DPP10: variants seen among roughly 807,000 people sequenced by gnomAD.
The protein encoded by DPP10 is dipeptidyl peptidase like 10, also known as inactive dipeptidyl peptidase 10.
Under a neutral mutation model 120.9 loss-of-function variants are expected in DPP10, and 33 were observed. The observed-to-expected ratio is 0.27, with a 90% CI of 0.21 to 0.37. The LOEUF is 0.37. Among genes scored for constraint, DPP10 ranks in the 10% least tolerant of loss-of-function variants. The pLI, the probability that DPP10 is intolerant of heterozygous loss-of-function variation, is 1.00. For missense variants in DPP10, 816 were observed against 942.8 expected (o/e 0.87, Z 1.76); for synonymous variants, 337 against 326.1 (o/e 1.03, Z -0.36).
intron 5 of DPP10, among the ~76,000 whole-genome samples, chr2:115,663,797 G>A (rs2089216483): frequency 6.6e-6 from 1 of 152,020 alleles, no homozygotes; most frequent in Non-Finnish European, 1.5e-5. Context: ...GAGGTCCAGA[G>A]CAGCCTGATC....
intron 1 of DPP10, among the ~76,000 whole-genome samples, chr2:114,637,552 C>G (rs1404270740): frequency 6.6e-6 from 1 of 151,990 alleles, no homozygotes; most frequent in Admixed American, 6.5e-5. Context: ...GCCAAAAATT[C>G]TTTGCCAAGG....
intron 1 of DPP10, among the ~76,000 whole-genome samples, chr2:114,586,111 T>A (rs1241424308): frequency 6.6e-6 from 1 of 152,016 alleles, no homozygotes; most frequent in Non-Finnish European, 1.5e-5. Flanking sequence ...ATTAGCTGGG[T>A]ATCATGGTGA....
chr2:115,639,960 AT>A (rs35714070), intron 5 of DPP10, among the ~76,000 whole-genome samples: 19,008 of 142,838 alleles, frequency 0.13, 1,278 homozygotes, highest in East Asian at 0.27. Context: ...CATACAGTAG[AT>A]TTTTTTTTTT....
At chr2:115,122,066 T>C (rs1011901876) in intron 1 of DPP10, among the ~76,000 whole-genome samples, 3 of 152,222 alleles carry the variant, frequency 2.0e-5, no homozygotes, top group Non-Finnish European at 4.4e-5. Context: ...GAAGACATCC[T>C]TTCTAGTTTT....
chr2:114,756,759 C>T (rs1438316805), intron 1 of DPP10, among the ~76,000 whole-genome samples: 2 of 152,060 alleles, frequency 1.3e-5, no homozygotes, highest in Non-Finnish European at 1.5e-5. Context: ...ATGGCAAGAC[C>T]ACAGTCTCTC....
intron 20 of DPP10, 82 bp downstream of exon 20, chr2:115,815,069 C>G: frequency 7.7e-7 from 1 of 1,305,596 alleles, no homozygotes; most frequent in Admixed American, 2.5e-5. Flanking sequence ...CTAACCCTGA[C>G]TCAAGGCTTC....
chr2:115,479,020 A>G (rs528209755), intron 3 of DPP10, among the ~76,000 whole-genome samples: 2 of 152,290 alleles, frequency 1.3e-5, no homozygotes, highest in Admixed American at 6.5e-5. Flanking sequence ...TTAAATGCAG[A>G]ATTACTGTAT....
chr2:115,004,802 C>T (rs1385807601), intron 1 of DPP10, among the ~76,000 whole-genome samples: 5 of 152,142 alleles, frequency 3.3e-5, no homozygotes, highest in African/African-American at 1.2e-4. Flanking sequence ...GGGGCGCCCA[C>T]CATTGCCCAG....
At chr2:115,457,047 ATG>A (rs1217114973) in intron 3 of DPP10, among the ~76,000 whole-genome samples, 1 of 152,222 alleles carries the variant, frequency 6.6e-6, no homozygotes, top group East Asian at 1.9e-4. Context: ...AGCCAAGAAA[ATG>A]TGGTACTATC....
At chr2:115,623,583 T>C (rs2085136991) in intron 5 of DPP10, among the ~76,000 whole-genome samples, 1 of 152,178 alleles carries the variant, frequency 6.6e-6, no homozygotes, top group African/African-American at 2.4e-5. Context: ...ACAAGACCCC[T>C]GCTTTAACAG....
intron 5 of DPP10, among the ~76,000 whole-genome samples, chr2:115,567,373 T>G (rs1157955640): frequency 6.6e-6 from 1 of 152,180 alleles, no homozygotes; most frequent in Admixed American, 6.5e-5. Flanking sequence ...AGTTTATCTT[T>G]CCAGTGTTTC....
intron 3 of DPP10, among the ~76,000 whole-genome samples, chr2:115,436,350 T>A (rs2071488978): frequency 6.6e-6 from 1 of 151,798 alleles, no homozygotes; most frequent in Non-Finnish European, 1.5e-5. Flanking sequence ...GTTTAGGATT[T>A]GGGATATCAT....
rs1421178330 is a variant in DPP10, at chr2:115,049,546, C to A, written c.61-259693C>A. 3.9e-5 allele frequency among the ~76,000 whole-genome samples: 6 copies of A among 152,108 alleles called. No homozygotes were observed. The East Asian group carries it at 1.2e-3, about 29-fold the overall frequency. ...TGTTGAAAATTATTTTAAACTCAGACTACAGAAATTTGATATAAGCCATTC... is the reference window on the plus strand; with the variant it reads ...TGTTGAAAATTATTTTAAACTCAGAATACAGAAATTTGATATAAGCCATTC... On this transcript the variant is annotated intron_variant, in intron 1 of 25. Coordinates refer to ENST00000410059, the MANE Select transcript of DPP10 (RefSeq NM_020868.6).
At chr2:114,740,024 T>C (rs529894661) in intron 1 of DPP10, among the ~76,000 whole-genome samples, 1 of 152,164 alleles carries the variant, frequency 6.6e-6, no homozygotes. Context: ...CCCAAAGGAC[T>C]ATAAATCATG....
At chr2:115,437,895 A>G (rs183518470) in intron 3 of DPP10, among the ~76,000 whole-genome samples, 1 of 152,250 alleles carries the variant, frequency 6.6e-6, no homozygotes, top group Admixed American at 6.6e-5. Context: ...CTTTTGTAAC[A>G]TATGTCTCAT....
chr2:114,638,304 C>T (rs1695450502), intron 1 of DPP10, among the ~76,000 whole-genome samples: 1 of 151,682 alleles, frequency 6.6e-6, no homozygotes, highest in Non-Finnish European at 1.5e-5. Flanking sequence ...TAAAGAAATG[C>T]TACTGATTTC....
chr2:115,102,436 G>T (rs983685156), intron 1 of DPP10, among the ~76,000 whole-genome samples: 1 of 151,642 alleles, frequency 6.6e-6, no homozygotes, highest in Non-Finnish European at 1.5e-5. Context: ...TTTGAGATAG[G>T]GTCTCACTCT....
intron 1 of DPP10, among the ~76,000 whole-genome samples, chr2:114,743,241 T>C (rs1268578299): frequency 1.3e-5 from 2 of 152,208 alleles, no homozygotes; most frequent in Admixed American, 6.5e-5. Flanking sequence ...TTTATAATTA[T>C]GGTGTTCAAG....
At chr2:114,768,822 T>G (rs79765448) in intron 1 of DPP10, among the ~76,000 whole-genome samples, 2,572 of 152,302 alleles carry the variant, frequency 0.017, 68 homozygotes, top group African/African-American at 0.058. Context: ...CATTCAATAT[T>G]TGATAAAATA....
Sources: allele counts gnomAD v4.1 joint callset (sites outside exome capture counted in the v4.1 genomes callset), GRCh38; gene constraint gnomAD v4.1.1; transcripts MANE v1.5; gene names NCBI Gene and HGNC (gene_info 2026-07-23, HGNC 2026-07-21).